The following HMOX2 variants were observed in gnomAD, a reference collection of about 807,000 sequenced individuals.
HMOX2 encodes the protein heme oxygenase (decycling) 2.
Under a neutral mutation model 33.7 loss-of-function variants are expected in HMOX2, and 30 were observed. That is an observed-to-expected ratio of 0.89 (90% CI 0.67 to 1.21). HMOX2 has a LOEUF of 1.21. Among genes scored for constraint, HMOX2 ranks in the 50% most tolerant of loss-of-function variants. The probability of loss-of-function intolerance (pLI) is 0.00; values close to 1 mark genes in which losing one functional copy is unlikely to be tolerated. For synonymous variants in HMOX2, 155 were observed against 155.0 expected, an observed-to-expected ratio of 1.00 and a Z score of 0.00; for missense variants, 403 against 399.1, an observed-to-expected ratio of 1.01 and a Z score of -0.08.
At chr16:4,504,354 A>ATTTTTTTT (rs34314976) in intron 1 of HMOX2, among the ~76,000 whole-genome samples, 2 of 72,886 alleles carry the variant, frequency 2.7e-5, no homozygotes, top group Non-Finnish European at 2.7e-5. Flanking sequence ...GTAACTTTCA[A>ATTTTTTTT]TTTTTTTTTT....
chr16:4,506,840 T>G, intron 2 of HMOX2, 55 bp from the exon 3 acceptor site: 1 of 1,316,806 alleles, frequency 7.6e-7, no homozygotes, highest in East Asian at 2.3e-5. Flanking sequence ...TATGGTCCTT[T>G]CTGGAAAGCT....
At chr16:4,506,137 C>T (rs763997993) in intron 2 of HMOX2, among the ~76,000 whole-genome samples, 2 of 152,008 alleles carry the variant, frequency 1.3e-5, no homozygotes, top group East Asian at 3.9e-4. Context: ...TGGATGATAA[C>T]GAGCTAATCT....
intron 1 of HMOX2, among the ~76,000 whole-genome samples, chr16:4,491,419 G>A (rs2058302481): frequency 6.6e-6 from 1 of 152,102 alleles, no homozygotes; most frequent in Non-Finnish European, 1.5e-5. Context: ...GGAGGCCAAG[G>A]CGGCTGGATC....
At chr16:4,485,548 G>C (rs575422036) in intron 1 of HMOX2, among the ~76,000 whole-genome samples, 1 of 152,218 alleles carries the variant, frequency 6.6e-6, no homozygotes, top group East Asian at 1.9e-4. Flanking sequence ...GGGAGAACTT[G>C]TACTGAACCC....
At chr16:4,495,982 C>G (rs909962102) in intron 1 of HMOX2, 1 of 152,182 alleles carries the variant, frequency 6.6e-6, no homozygotes, top group Non-Finnish European at 1.5e-5. Context: ...TAGATCTCAC[C>G]AGGGAACAAT....
chr16:4,503,979 A>G (rs2058624021), intron 1 of HMOX2, among the ~76,000 whole-genome samples: 2 of 152,230 alleles, frequency 1.3e-5, no homozygotes, highest in South Asian at 2.1e-4. Flanking sequence ...CTGTGCTGCT[A>G]TTCATGTGGA....
chr16:4,480,819 A>G (rs2058006949), intron 1 of HMOX2, among the ~76,000 whole-genome samples: 1 of 148,646 alleles, frequency 6.7e-6, no homozygotes, highest in Non-Finnish European at 1.5e-5. Context: ...CGCCTGGCTA[A>G]TTTTTTGTAT....
intron 1 of HMOX2, among the ~76,000 whole-genome samples, chr16:4,498,303 G>A (rs969154469): frequency 6.6e-5 from 10 of 151,652 alleles, no homozygotes; most frequent in Non-Finnish European, 1.5e-4. Flanking sequence ...CTGACCTCAG[G>A]TGATCTACCC....
At chr16:4,483,450 A>G (rs1226888195) in intron 1 of HMOX2, among the ~76,000 whole-genome samples, 1 of 151,988 alleles carries the variant, frequency 6.6e-6, no homozygotes, top group Non-Finnish European at 1.5e-5. Flanking sequence ...GGAAATTCCA[A>G]GGGATTTAGG....
intron 1 of HMOX2, among the ~76,000 whole-genome samples, chr16:4,501,981 TC>T (rs1429289070): frequency 2.6e-5 from 4 of 152,210 alleles, no homozygotes; most frequent in African/African-American, 9.6e-5. Context: ...TCAGTATTCT[TC>T]CTGTTAGCTT....
At chr16:4,490,068 G>A (rs145476197) in intron 1 of HMOX2, among the ~76,000 whole-genome samples, 1 of 152,270 alleles carries the variant, frequency 6.6e-6, no homozygotes, top group African/African-American at 2.4e-5. Context: ...CAAGATAAAT[G>A]ACCTGTAATC....
At chr16:4,492,368 A>G (rs1435040246) in intron 1 of HMOX2, among the ~76,000 whole-genome samples, 1 of 151,950 alleles carries the variant, frequency 6.6e-6, no homozygotes, top group African/African-American at 2.4e-5. Flanking sequence ...GTTTACACTG[A>G]GGGTCACAGA....
intron 1 of HMOX2, among the ~76,000 whole-genome samples, chr16:4,485,813 C>T (rs916169789): frequency 7.2e-5 from 11 of 152,142 alleles, no homozygotes; most frequent in East Asian, 3.8e-4. Flanking sequence ...CAACCTCTGC[C>T]TCCCGGGTTC....
intron 1 of HMOX2, among the ~76,000 whole-genome samples, chr16:4,491,052 A>ATT (rs1309015763): frequency 2.0e-5 from 3 of 152,192 alleles, no homozygotes; most frequent in Non-Finnish European, 4.4e-5. Flanking sequence ...GTCTGCAAAC[A>ATT]TTTCCACGTC....
chr16:4,479,256 G>T (rs895740767), intron 1 of HMOX2, among the ~76,000 whole-genome samples: 1 of 152,176 alleles, frequency 6.6e-6, no homozygotes, highest in African/African-American at 2.4e-5. Context: ...TACTTGATGA[G>T]CCTAAGTTTT....
rs17879388 is a variant in HMOX2, at chr16:4,504,720, G to A, written c.-41-764G>A. On this transcript the variant is annotated intron_variant, in intron 1 of 5. Coordinates refer to ENST00000570646, the MANE Select transcript of HMOX2 (RefSeq NM_002134.4). The stretch of plus-strand genomic sequence containing the variant: ...TTTTTTTTTTTTTTAAGACAGTTTC[G>A]CTCTTGTTGCCCAGGCTGGAGTGCA... Among the ~76,000 whole-genome samples, 764 of 91,004 alleles carry A rather than the reference G, an allele frequency of 8.4e-3. 6 individuals are homozygous for A. In the Middle Eastern group the frequency reaches 0.15, roughly 18 times the overall value. The allele number at this position is 91,004 out of a possible 152,430, so 59.7% of individuals were successfully genotyped here.
At chr16:4,487,560 T>C (rs955145114) in intron 1 of HMOX2, among the ~76,000 whole-genome samples, 1 of 152,050 alleles carries the variant, frequency 6.6e-6, no homozygotes, top group African/African-American at 2.4e-5. Flanking sequence ...TCCCAGCACG[T>C]TGGGAGGCCG....
At chr16:4,482,297 A>C (rs954243356) in intron 1 of HMOX2, among the ~76,000 whole-genome samples, 16 of 152,168 alleles carry the variant, frequency 1.1e-4, no homozygotes, top group African/African-American at 3.6e-4. Flanking sequence ...GCTGTAGGTT[A>C]TGCTTTTCTG....
At chr16:4,486,440 C>T (rs1421912022) in intron 1 of HMOX2, among the ~76,000 whole-genome samples, 2 of 152,206 alleles carry the variant, frequency 1.3e-5, no homozygotes, top group Non-Finnish European at 2.9e-5. Flanking sequence ...CAAGGTCTGT[C>T]AAGGACAGCT....
Sources: gnomAD v4.1 joint callset for allele counts (sites outside exome capture counted in the v4.1 genomes callset) on GRCh38, gnomAD v4.1.1 for gene constraint, MANE v1.5 for transcripts, NCBI Gene and HGNC (gene_info 2026-07-23, HGNC 2026-07-21) for gene names.